Variants in SRPK2 observed in about 807,000 individuals in gnomAD.
SRPK2 encodes the protein SRSF protein kinase 2.
SRPK2 carries 21 observed loss-of-function variants against 90.8 expected under a neutral mutation model. That is an observed-to-expected ratio of 0.23 (90% CI 0.16 to 0.33). The LOEUF (loss-of-function observed/expected upper bound fraction) is 0.33, where lower values mean the gene tolerates loss of function less well. SRPK2 is among the 10% of genes least tolerant of loss of function. SRPK2 has a pLI of 1.00. For synonymous variants in SRPK2, 288 were observed against 311.1 expected (o/e 0.93, Z 0.78); for missense variants, 620 against 869.0 (o/e 0.71, Z 3.60).
chr7:105,388,828 C>CG lies in SRPK2; in HGVS notation c.-23dup, dbSNP rs764719909. ...TCATTCCGACGCGGCGGAAGCGGGG[C>CG]GGGGGGCTTCGCGACGGCGACGCGG... is the stretch of plus-strand genomic sequence containing the variant. On this transcript the variant is annotated 5_prime_UTR_variant, in exon 1 of 16. Coordinates refer to ENST00000393651, the MANE Select transcript of SRPK2 (RefSeq NM_182692.3). 1.0e-5 allele frequency: 14 copies of CG among 1,347,056 alleles called. No individual in the cohort carries two copies. Among genetic ancestry groups the CG allele is most frequent in the East Asian group, 3.0e-5 (1 of 33,106 alleles). 83.4% of individuals were successfully genotyped at this position (1,347,056 alleles called of 1,614,324 possible). A position where few individuals can be genotyped will look rare whatever the true frequency, so the allele number is the denominator to read the frequency against.
chr7:105,182,385 T>C (rs1170760419), intron 3 of SRPK2, among the ~76,000 whole-genome samples: 2 of 151,608 alleles, frequency 1.3e-5, no homozygotes, highest in South Asian at 2.1e-4. Flanking sequence ...ACAAGAATGG[T>C]ACATTGAATC....
intron 2 of SRPK2, among the ~76,000 whole-genome samples, chr7:105,277,505 A>C (rs1585494176): frequency 1.3e-5 from 2 of 152,278 alleles, no homozygotes; most frequent in South Asian, 4.1e-4. Flanking sequence ...AAACTGACTG[A>C]CTCATAAGTG....
chr7:105,168,744 AAT>A (rs1491462535), intron 4 of SRPK2, among the ~76,000 whole-genome samples: 3 of 25,410 alleles, frequency 1.2e-4, no homozygotes, highest in African/African-American at 1.9e-4. Context: ...ACACGCACCA[AAT>A]GTGTGTGTGT....
At chr7:105,386,081 G>A (rs1372155256) in intron 2 of SRPK2, among the ~76,000 whole-genome samples, 1 of 152,018 alleles carries the variant, frequency 6.6e-6, no homozygotes, top group African/African-American at 2.4e-5. Context: ...TTAGGAGGCC[G>A]AGGCGGGCGA....
intron 8 of SRPK2, among the ~76,000 whole-genome samples, chr7:105,146,203 T>C (rs1396246208): frequency 6.6e-6 from 1 of 152,222 alleles, no homozygotes; most frequent in Admixed American, 6.5e-5. Context: ...GCTGTTACTA[T>C]GTTCTCCTCT....
At chr7:105,205,515 TCTCACACACACACA>T (rs756361823) in intron 2 of SRPK2, among the ~76,000 whole-genome samples, 13,911 of 110,994 alleles carry the variant, frequency 0.13, 776 homozygotes, top group East Asian at 0.27. Flanking sequence ...TCTCTCTCTC[TCTCACACACACACA>T]CACACACACA....
intron 3 of SRPK2, among the ~76,000 whole-genome samples, chr7:105,190,558 G>A (rs1402885872): frequency 6.6e-6 from 1 of 151,906 alleles, no homozygotes; most frequent in Non-Finnish European, 1.5e-5. Context: ...TATAATATCT[G>A]TGTAAGGTTT....
At chr7:105,368,976 A>T (rs1261861452) in intron 2 of SRPK2, among the ~76,000 whole-genome samples, 2 of 151,698 alleles carry the variant, frequency 1.3e-5, no homozygotes, top group Admixed American at 6.6e-5. Context: ...AATGGACTTC[A>T]AACTGTGTTC....
intron 7 of SRPK2, among the ~76,000 whole-genome samples, chr7:105,156,894 G>T (rs528807128): frequency 9.2e-5 from 14 of 152,228 alleles, no homozygotes; most frequent in African/African-American, 3.1e-4. Context: ...TGAATGTAGG[G>T]TATATTTGAT....
chr7:105,308,498 C>G (rs1041538420), intron 2 of SRPK2, among the ~76,000 whole-genome samples: 1 of 152,176 alleles, frequency 6.6e-6, no homozygotes, highest in African/African-American at 2.4e-5. Context: ...GGCATGTACT[C>G]ATTTTCATAT....
At chr7:105,375,983 C>CTT (rs34445430) in intron 2 of SRPK2, among the ~76,000 whole-genome samples, 21,799 of 63,164 alleles carry the variant, frequency 0.35, 7,796 homozygotes, top group Non-Finnish European at 0.41. Context: ...GAATTCATTT[C>CTT]TTTTTTTTTT....
Position 105,169,143 on chromosome 7 carries a change from C to G in SRPK2, c.338+14G>C. 6.2e-7 allele frequency: 1 copy of G among 1,604,594 alleles called. No individual in the cohort carries two copies. Among genetic ancestry groups the G allele is most frequent in the Non-Finnish European group, 8.5e-7 (1 of 1,173,966 alleles). On this transcript the variant is annotated intron_variant, in intron 4 of 15. Transcript: ENST00000393651. ...CTCCAGGAAACAAATGCACAAATGA[C>G]AAAGAACACTTACTGCATATCCCAG...
chr7:105,262,892 G>A (rs1804506718), intron 2 of SRPK2, among the ~76,000 whole-genome samples: 1 of 152,194 alleles, frequency 6.6e-6, no homozygotes. Context: ...AGAACCTGGA[G>A]CATACACAGT....
chr7:105,222,780 C>G (rs1446876976), intron 2 of SRPK2, among the ~76,000 whole-genome samples: 1 of 152,088 alleles, frequency 6.6e-6, no homozygotes, highest in African/African-American at 2.4e-5. Context: ...CTATAAAGTT[C>G]TGTGTTTGTT....
At chr7:105,131,657 CTTTTACTTGAGCA>C (rs1285087047) in intron 13 of SRPK2, among the ~76,000 whole-genome samples, 1 of 152,124 alleles carries the variant, frequency 6.6e-6, no homozygotes, top group Admixed American at 6.5e-5. Flanking sequence ...CTCAACAATG[CTTTTACTTGAGCA>C]TTAGAGGAGG....
At chr7:105,297,523 G>A in intron 2 of SRPK2, 3 of 984,854 alleles carry the variant, frequency 3.0e-6, no homozygotes, top group South Asian at 9.4e-5. Flanking sequence ...CATCGCCTTG[G>A]TTGTTCACTC....
intron 2 of SRPK2, among the ~76,000 whole-genome samples, chr7:105,375,886 C>CA (rs1820218324): frequency 1.3e-5 from 2 of 149,774 alleles, no homozygotes; most frequent in African/African-American, 4.9e-5. Context: ...CACAGTAGGG[C>CA]AAACACCTGT....
chr7:105,211,134 G>T (rs773070979), intron 2 of SRPK2, among the ~76,000 whole-genome samples: 3 of 152,166 alleles, frequency 2.0e-5, no homozygotes, highest in Admixed American at 1.3e-4. Context: ...GCTGCTAAGG[G>T]TGCAGTAATT....
At chr7:105,305,168 T>C (rs1262731600) in intron 2 of SRPK2, among the ~76,000 whole-genome samples, 3 of 152,214 alleles carry the variant, frequency 2.0e-5, no homozygotes, top group Non-Finnish European at 2.9e-5. Flanking sequence ...AGCCAGGCGC[T>C]GTGGCTCATG....
Sources: allele counts gnomAD v4.1 joint callset (sites outside exome capture counted in the v4.1 genomes callset), GRCh38; gene constraint gnomAD v4.1.1; transcripts MANE v1.5; gene names NCBI Gene and HGNC (gene_info 2026-07-23, HGNC 2026-07-21).